ARL10: variants seen among roughly 807,000 people sequenced by gnomAD.
ARL10 encodes the protein ADP-ribosylation factor-like protein 10.
A neutral mutation model predicts 26.1 loss-of-function variants in ARL10; 23 were observed. The ratio of observed to expected loss-of-function variants is 0.88; its 90% confidence interval spans 0.63 to 1.25. The LOEUF (loss-of-function observed/expected upper bound fraction) is 1.25. Ranked by LOEUF, ARL10 falls within the 50% of genes most tolerant of loss-of-function variation. The pLI is 0.00. For missense variants in ARL10, 300 were observed against 323.6 expected, an observed-to-expected ratio of 0.93 and a Z score of 0.56; for synonymous variants, 138 against 149.1, an observed-to-expected ratio of 0.93 and a Z score of 0.54.
chr5:176,373,883 T>G lies in ARL10; in HGVS notation c.*1988T>G, dbSNP rs768062338. The G allele has an allele frequency of 5.3e-5, 8 of 152,244 alleles. No homozygotes were observed. Among genetic ancestry groups the G allele is most frequent in the Non-Finnish European group, 1.0e-4 (7 of 68,048 alleles). 9.4% of individuals were successfully genotyped at this position (152,244 alleles called of 1,614,324 possible). The stretch of plus-strand genomic sequence containing the variant: ...GAAGGCAAAAAAACCTTAGACAACT[T>G]TAACGAAGTTTAAAAAGTATGTTCT... On this transcript the variant is annotated 3_prime_UTR_variant, in exon 4 of 4. Transcript: ENST00000310389.
rs776082465 is a variant in ARL10 at position 176,369,101 on chromosome 5, A to T, written c.561+119A>T. On this transcript the variant is annotated intron_variant, in intron 3 of 3. Transcript: ENST00000310389. ...AGAGGGTGGCTGAGATGCTGCCCCC[A>T]CCTCTTCTACCTATGCCCTGTCCTG... 1.4e-5 allele frequency: 21 copies of T among 1,537,006 alleles called. No individual in the cohort carries two copies. The African/African-American group carries it at 2.6e-4, about 19-fold the overall frequency.
chr5:176,397,758 G>C, intron 1 of ARL10: 1 of 1,583,488 alleles, frequency 6.3e-7, no homozygotes, highest in Non-Finnish European at 8.7e-7. Context: ...CTTTCCAGCT[G>C]GGATGCACAG....
chr5:176,412,160 AG>A, the ARL10 span, among the ~76,000 whole-genome samples: 2 of 141,192 alleles, frequency 1.4e-5, no homozygotes, highest in Non-Finnish European at 3.0e-5. Flanking sequence ...TGGGCGACAG[AG>A]TGAGACTCAT....
At chr5:176,387,608 G>A (rs888407320) in intron 1 of ARL10, among the ~76,000 whole-genome samples, 26 of 152,364 alleles carry the variant, frequency 1.7e-4, no homozygotes, top group Non-Finnish European at 3.1e-4. Flanking sequence ...TAGATAGGCA[G>A]GCAGAGAAAG....
chr5:176,411,196 GACA>G, the ARL10 span, among the ~76,000 whole-genome samples: 1 of 152,206 alleles, frequency 6.6e-6, no homozygotes, highest in Non-Finnish European at 1.5e-5. Context: ...ATGAAAGAAA[GACA>G]ACGACTGCAT....
chr5:176,384,228 C>T (rs540606609), downstream of ARL10: 612 of 1,614,228 alleles, frequency 3.8e-4, 11 homozygotes, highest in South Asian at 6.5e-3. Flanking sequence ...TGATGTAAAC[C>T]AGTCACTCCA....
downstream of ARL10, chr5:176,386,195 A>T (rs529599563): frequency 6.4e-6 from 1 of 155,898 alleles, no homozygotes; most frequent in African/African-American, 2.4e-5. Flanking sequence ...TAAAATTTTT[A>T]AAAATGTTCC....
chr5:176,371,163 T>C (rs1487795958), intron 3 of ARL10, among the ~76,000 whole-genome samples: 2 of 152,098 alleles, frequency 1.3e-5, no homozygotes, highest in South Asian at 2.1e-4. Context: ...TCACCTGAGG[T>C]CAGGAGTTCG....
Position 176,380,236 on chromosome 5 carries a change from T to C in ARL10, c.*8341T>C, listed in dbSNP as rs557657229. On this transcript the variant is annotated 3_prime_UTR_variant, in exon 4 of 4. Coordinates refer to ENST00000310389, the MANE Select transcript of ARL10 (RefSeq NM_173664.6). ...CTGCATGAGCCTTTCATTTGCGTTT[T>C]GTAAAGAATCTTTTAGGCAATTTTA... 3.3e-4 allele frequency: 51 copies of C among 152,342 alleles called. No individual in the cohort carries two copies. The highest frequency in any genetic ancestry group is 1.2e-3 in the African/African-American group (50 of 41,580). The allele number at this position is 152,342 out of a possible 1,614,324, so 9.4% of individuals were successfully genotyped here. A position where few individuals can be genotyped will look rare whatever the true frequency, so the allele number is the denominator to read the frequency against.
At chr5:176,390,457 TCTCA>T (rs1287215354), downstream of ARL10, among the ~76,000 whole-genome samples, 1 of 151,826 alleles carries the variant, frequency 6.6e-6, no homozygotes, top group African/African-American at 2.4e-5. Flanking sequence ...TTGAGACGAG[TCTCA>T]CTGTGTCAGC....
At chr5:176,384,769 C>CA (rs1008638951), downstream of ARL10, 88 of 354,246 alleles carry the variant, frequency 2.5e-4, no homozygotes, top group South Asian at 6.2e-4. Flanking sequence ...GATTCTGTCT[C>CA]AAAAAAAAGA....
At position 176,396,749 on chromosome 5, in the gene ARL10, C is replaced by A. The variant is rs141581722; in HGVS notation, c.134-4992C>A. Among the ~76,000 whole-genome samples the A allele has an allele frequency of 4.6e-5, 7 of 152,238 alleles. No individual in the cohort carries two copies. In the East Asian group the frequency reaches 1.4e-3, roughly 29 times the overall value. ...TGGCCCCAGCACCTTCTCTAAAATT[C>A]ATCCCTGATCATGTTACTCCTGTTC... On this transcript the variant is annotated intron_variant, in intron 1 of 1. Coordinates refer to the ARL10 transcript ENST00000514533.
chr5:176,410,040 C>T, the ARL10 span, among the ~76,000 whole-genome samples: 10 of 152,326 alleles, frequency 6.6e-5, no homozygotes, highest in South Asian at 1.7e-3. Flanking sequence ...CCTGAGGCTA[C>T]TGCCCATCAA....
At chr5:176,411,887 C>CT in the ARL10 span, among the ~76,000 whole-genome samples, 1 of 152,040 alleles carries the variant, frequency 6.6e-6, no homozygotes, top group African/African-American at 2.4e-5. Context: ...CTAAAGAATG[C>CT]TTTTTTGGGC....
At chr5:176,388,354 A>G (rs1321897252) in exon 2 of ARL10, 1 of 1,613,840 alleles carries the variant, frequency 6.2e-7, no homozygotes, top group Non-Finnish European at 8.5e-7. Context: ...CTACCGGCAA[A>G]GAGAGACATC....
Position 176,374,800 on chromosome 5 carries a change from C to T in ARL10, c.*2905C>T, listed in dbSNP as rs1474092868. ...AACCTTGAACAGCTAAGCTTGCTGT[C>T]TACCATTCAGGATGCCTGCAAACCA... On this transcript the variant is annotated 3_prime_UTR_variant, in exon 4 of 4. Transcript: ENST00000310389. The T allele has an allele frequency of 6.6e-6, 1 of 152,204 alleles. No individual in the cohort carries two copies. Among genetic ancestry groups the T allele is most frequent in the Non-Finnish European group, 1.5e-5 (1 of 68,036 alleles). The allele number at this position is 152,204 out of a possible 1,614,324, so 9.4% of individuals were successfully genotyped here.
downstream of ARL10, chr5:176,383,974 A>G: frequency 6.5e-7 from 1 of 1,529,340 alleles, no homozygotes; most frequent in Non-Finnish European, 8.7e-7. Context: ...TTATGTACAC[A>G]CTATATTTAC....
At chr5:176,396,617 A>G (rs1388410617) in intron 1 of ARL10, 1 of 960,556 alleles carries the variant, frequency 1.0e-6, no homozygotes, top group Non-Finnish European at 1.7e-6. Flanking sequence ...AGAGAGAGAG[A>G]GAGAGACAGC....
chr5:176,388,601 C>T (rs1756093224), exon 2 of ARL10: 3 of 1,488,036 alleles, frequency 2.0e-6, no homozygotes, highest in Non-Finnish European at 2.8e-6. Flanking sequence ...CCTCGTGTAA[C>T]AAACTCCTTC....
Sources: gnomAD v4.1 joint callset for allele counts (sites outside exome capture counted in the v4.1 genomes callset) on GRCh38, gnomAD v4.1.1 for gene constraint, MANE v1.5 for transcripts, NCBI Gene and HGNC (gene_info 2026-07-23, HGNC 2026-07-21) for gene names.